Variants in IQUB observed in about 807,000 individuals in gnomAD.
The protein encoded by IQUB is IQ motif and ubiquitin domain containing, also known as IQ motif and ubiquitin-like domain-containing protein.
Under a neutral mutation model 86.4 loss-of-function variants are expected in IQUB, and 86 were observed. The observed-to-expected ratio is 1.00, with a 90% CI of 0.84 to 1.19. The LOEUF is 1.19. IQUB is among the 50% of genes most tolerant of loss of function. IQUB has a pLI of 0.00. For synonymous variants in IQUB, 289 were observed against 304.5 expected (o/e 0.95, Z 0.53); for missense variants, 946 against 916.9 (o/e 1.03, Z -0.41).
In IQUB at chr7:123,503,264, G is replaced by A. The variant is rs1476536941; in HGVS notation, c.632C>T (p.Pro211Leu). The change falls in exon 4 of 13, where the codon CCA (proline) becomes CTA (leucine). Residue 211 changes from proline (P) to leucine (L), a missense_variant. By Grantham distance (98) the Pro-to-Leu change is moderately conservative. Coordinates refer to ENST00000324698, the MANE Select transcript of IQUB (RefSeq NM_178827.5). ...AGTTAATCCATCTATTCTTCTGACT[G>A]GATACAGATCTGGATTTGTAGAAAA... ...EIFSTNPDLY[P>L]VRRIDGLTDV... The A allele has an allele frequency of 6.2e-7, 1 of 1,610,182 alleles. No individual in the cohort carries two copies. The highest frequency in any genetic ancestry group is 8.5e-7 in the Non-Finnish European group (1 of 1,176,834).
At chr7:123,475,640 A>G (rs1479763976) in intron 8 of IQUB, among the ~76,000 whole-genome samples, 4 of 152,190 alleles carry the variant, frequency 2.6e-5, no homozygotes, top group Non-Finnish European at 5.9e-5. Flanking sequence ...AATTTTAAAT[A>G]GTTTGCAGGA....
chr7:123,457,002 G>C (rs1473984765), intron 12 of IQUB: 1 of 186,386 alleles, frequency 5.4e-6, no homozygotes, highest in Non-Finnish European at 1.0e-5. Flanking sequence ...TGGTGGTAAT[G>C]CACATTTATT....
intron 6 of IQUB, among the ~76,000 whole-genome samples, chr7:123,498,156 C>T (rs968623310): frequency 6.6e-6 from 1 of 151,848 alleles, no homozygotes; most frequent in African/African-American, 2.4e-5. Flanking sequence ...TGGGGTCAGA[C>T]TGGGTGAACC....
chr7:123,475,273 C>G (rs566154087), intron 8 of IQUB, among the ~76,000 whole-genome samples: 105 of 151,876 alleles, frequency 6.9e-4, no homozygotes, highest in African/African-American at 2.4e-3. Flanking sequence ...TCCACCCCAA[C>G]AGCTTATCAA....
chr7:123,452,283 A>G lies in IQUB; in HGVS notation c.*460T>C, dbSNP rs888096257. On this transcript the variant is annotated 3_prime_UTR_variant, in exon 13 of 13. Transcript: ENST00000324698. Reference sequence around the variant, plus strand: ...CAAAGATTCAAATGCCTATACTAAAATATAAATTTTTTTATCCTACTTAAA... The same window carrying G: ...CAAAGATTCAAATGCCTATACTAAAGTATAAATTTTTTTATCCTACTTAAA... 6.6e-6 allele frequency: 1 copy of G among 152,224 alleles called. No homozygotes were observed. 9.4% of individuals were successfully genotyped at this position (152,224 alleles called of 1,614,324 possible).
At chr7:123,471,038 G>A (rs1794497924) in intron 8 of IQUB, among the ~76,000 whole-genome samples, 2 of 152,030 alleles carry the variant, frequency 1.3e-5, no homozygotes, top group African/African-American at 2.4e-5. Flanking sequence ...TCAGATCAAA[G>A]CCAAAATGAA....
chr7:123,452,606 A>G lies in IQUB; in HGVS notation c.*137T>C. ...TTATATAGAAATGTTTTCTCTTTATATAACTCAAAATACTATGAAAAACAA... is the reference window on the plus strand; with the variant it reads ...TTATATAGAAATGTTTTCTCTTTATGTAACTCAAAATACTATGAAAAACAA... On this transcript the variant is annotated 3_prime_UTR_variant, in exon 13 of 13. Transcript: ENST00000324698. 1 of 471,300 alleles carries G rather than the reference A, an allele frequency of 2.1e-6. No individual in the cohort carries two copies. The highest frequency in any genetic ancestry group is 1.0e-4 in the South Asian group (1 of 9,678). 29.2% of individuals were successfully genotyped at this position (471,300 alleles called of 1,614,324 possible).
chr7:123,455,936 C>T (rs1294522445), intron 12 of IQUB, among the ~76,000 whole-genome samples: 2 of 152,040 alleles, frequency 1.3e-5, no homozygotes, highest in Non-Finnish European at 2.9e-5. Flanking sequence ...TTTCCTATAC[C>T]TGTTTCATAT....
rs559097994 is a variant in IQUB at position 123,493,686 on chromosome 7, A to G, written c.1234+3010T>C. Reference sequence around the variant, plus strand: ...CTGAATTACGTATATCCTATGAACCAGCAATTCCACTGCTAGGTTTACACC... The same window carrying G: ...CTGAATTACGTATATCCTATGAACCGGCAATTCCACTGCTAGGTTTACACC... On this transcript the variant is annotated intron_variant, in intron 7 of 12. Transcript: ENST00000324698. 3.3e-5 allele frequency among the ~76,000 whole-genome samples: 5 copies of G among 151,220 alleles called. No individual in the cohort carries two copies. The South Asian group carries it at 1.0e-3, about 32-fold the overall frequency.
chr7:123,515,825 A>C (rs1305090858), intron 1 of IQUB, among the ~76,000 whole-genome samples: 1 of 152,234 alleles, frequency 6.6e-6, no homozygotes, highest in African/African-American at 2.4e-5. Context: ...AATTATGCTC[A>C]GTGAAGAAGC....
chr7:123,512,321 T>C lies in IQUB; in HGVS notation c.20A>G (p.Lys7Arg), dbSNP rs1300815999. MSNQQE[K>R]YEAQNIVNST... ...ATTGACTATATTCTGAGCTTCATAC[T>C]TCTCCTGTTGATTAGACATTTTCCT... Residue 7 changes from lysine to arginine, a missense_variant, in exon 2 of 13, where the codon AAG becomes AGG. Lys to Arg is a conservative substitution (Grantham distance 26, BLOSUM62 2). Coordinates refer to ENST00000324698, the MANE Select transcript of IQUB (RefSeq NM_178827.5). 1 of 1,572,460 alleles carries C rather than the reference T, an allele frequency of 6.4e-7. No individual in the cohort carries two copies. The highest frequency in any genetic ancestry group is 8.7e-7 in the Non-Finnish European group (1 of 1,151,940).
intron 11 of IQUB, among the ~76,000 whole-genome samples, chr7:123,461,006 C>T (rs1352533328): frequency 1.3e-5 from 2 of 150,252 alleles, no homozygotes; most frequent in Non-Finnish European, 3.0e-5. Flanking sequence ...TAAGCCTTAG[C>T]TTTCACTTTT....
intron 1 of IQUB, chr7:123,532,959 C>G (rs1487103092): frequency 6.6e-6 from 1 of 152,342 alleles, no homozygotes; most frequent in Non-Finnish European, 1.5e-5. Flanking sequence ...GGAGCTCCGG[C>G]GGGTCAGGAG....
chr7:123,457,520 G>T lies in IQUB; in HGVS notation c.2054C>A (p.Ser685Ter). Residue 685 changes from serine to a stop codon, truncating the protein, a stop_gained, in exon 12 of 13, where the codon TCA becomes TAA. Transcript: ENST00000324698. LOFTEE classifies it high-confidence loss of function. ...GAGATTGTCGCAAGCACTGAGGACT[G>T]ACTGGGACGCCCAGATGTTCTCTGT... ...YLTENIWASQ[S>*]VLSACDNLSD... 1 of 1,609,890 alleles carries T rather than the reference G, an allele frequency of 6.2e-7. No individual in the cohort carries two copies. The highest frequency in any genetic ancestry group is 8.5e-7 in the Non-Finnish European group (1 of 1,178,524).
At position 123,499,117 on chromosome 7, in the gene IQUB, TC is replaced by T. The variant is rs375907627; in HGVS notation, c.1024-2212del. On this transcript the variant is annotated intron_variant, in intron 6 of 12. Coordinates refer to ENST00000324698, the MANE Select transcript of IQUB (RefSeq NM_178827.5). ...AGCATTCCAAAATGTTTCCTTTTTT[TC>T]TTTTTTTCTTTTTAGGCGAAGTCTC... Among the ~76,000 whole-genome samples the T allele has an allele frequency of 6.4e-4, 97 of 150,918 alleles. 1 individual carries two copies. Among genetic ancestry groups the T allele is most frequent in the East Asian group, 2.3e-3 (12 of 5,146 alleles).
intron 6 of IQUB, chr7:123,502,365 C>CAAAG: frequency 2.0e-6 from 1 of 493,162 alleles, no homozygotes; most frequent in Non-Finnish European, 3.5e-6. Context: ...AGGCAATACA[C>CAAAG]AAAGAAGCTG....
chr7:123,483,809 A>G (rs561749341), intron 7 of IQUB, among the ~76,000 whole-genome samples: 1 of 152,208 alleles, frequency 6.6e-6, no homozygotes, highest in East Asian at 1.9e-4. Flanking sequence ...CATTATATAC[A>G]ATTCAATCAA....
chr7:123,469,535 A>T (rs963996781), intron 8 of IQUB, 151 bp from the exon 9 acceptor site: 11 of 456,614 alleles, frequency 2.4e-5, no homozygotes, highest in Admixed American at 4.0e-5. Context: ...GAATTTGCAG[A>T]TCAGGCAAAA....
chr7:123,506,230 T>C (rs1796170254), intron 3 of IQUB, among the ~76,000 whole-genome samples: 1 of 152,176 alleles, frequency 6.6e-6, no homozygotes, highest in African/African-American at 2.4e-5. Context: ...TTAACAAGTC[T>C]CTAGGAAGCT....
Sources: gnomAD v4.1 joint callset for allele counts (sites outside exome capture counted in the v4.1 genomes callset) on GRCh38, gnomAD v4.1.1 for gene constraint, MANE v1.5 for transcripts, NCBI Gene and HGNC (gene_info 2026-07-23, HGNC 2026-07-21) for gene names.